The following AIMP1 variants were observed in gnomAD, a reference collection of about 807,000 sequenced individuals.
AIMP1 encodes aminoacyl tRNA synthase complex-interacting multifunctional protein 1.
In AIMP1, 24 loss-of-function variants were observed where a neutral mutation model predicts 33.1. That is an observed-to-expected ratio of 0.73 (90% confidence interval 0.53 to 1.02). The LOEUF is 1.02. Ranked by LOEUF, AIMP1 falls within the 50% of genes least tolerant of loss-of-function variation. The pLI is 0.00. For synonymous variants in AIMP1, 120 were observed against 121.5 expected, an observed-to-expected ratio of 0.99 and a Z score of 0.08; for missense variants, 367 against 364.8, an observed-to-expected ratio of 1.01 and a Z score of -0.05.
chr4:106,345,822 TA>T (rs1218529350), intron 6 of AIMP1, among the ~76,000 whole-genome samples: 3 of 149,446 alleles, frequency 2.0e-5, no homozygotes, highest in Admixed American at 6.7e-5. Context: ...CTATTTTATA[TA>T]ATAAGATGTC....
upstream of AIMP1, chr4:106,316,238 C>T (rs6814166): frequency 0.16 from 44,636 of 282,224 alleles, 3,920 homozygotes; most frequent in South Asian, 0.23. Flanking sequence ...CCTTTTCTTC[C>T]GCCCTCACAG....
chr4:106,325,736 C>A (rs990352793), intron 2 of AIMP1, among the ~76,000 whole-genome samples: 5 of 151,972 alleles, frequency 3.3e-5, no homozygotes, highest in Non-Finnish European at 7.4e-5. Context: ...AGTTTTTAGT[C>A]ATATTGCTCC....
At chr4:106,316,485 T>C (rs1277716165), upstream of AIMP1, 1 of 1,507,836 alleles carries the variant, frequency 6.6e-7, no homozygotes, top group African/African-American at 1.4e-5. Context: ...CACTCAGGCT[T>C]TCAGCAAGGA....
intron 4 of AIMP1, among the ~76,000 whole-genome samples, chr4:106,330,664 A>G (rs746703075): frequency 1.3e-5 from 2 of 152,196 alleles, no homozygotes; most frequent in Non-Finnish European, 2.9e-5. Flanking sequence ...CTTCTTTAAA[A>G]GAGATTTTGA....
intron 5 of AIMP1, 66 bp downstream of exon 5, chr4:106,331,949 CT>C: frequency 7.0e-7 from 1 of 1,429,586 alleles, no homozygotes; most frequent in Middle Eastern, 2.1e-4. Context: ...TTCTTGGTAT[CT>C]TTCCATTATA....
At chr4:106,333,146 T>A (rs1295973817) in intron 5 of AIMP1, among the ~76,000 whole-genome samples, 3 of 152,148 alleles carry the variant, frequency 2.0e-5, no homozygotes, top group Non-Finnish European at 4.4e-5. Context: ...GGAAGGTCAC[T>A]TGTGATTATT....
chr4:106,324,453 A>G (rs1229753636), intron 1 of AIMP1, among the ~76,000 whole-genome samples: 4 of 152,060 alleles, frequency 2.6e-5, no homozygotes. Flanking sequence ...ACAACGGTAT[A>G]TACTGACATT....
intron 4 of AIMP1, among the ~76,000 whole-genome samples, chr4:106,330,009 C>T (rs1177218780): frequency 6.6e-6 from 1 of 152,018 alleles, no homozygotes; most frequent in Non-Finnish European, 1.5e-5. Context: ...TCTCGAACTC[C>T]TGATCTCAGG....
chr4:106,324,590 G>A (rs1769391976), intron 1 of AIMP1, among the ~76,000 whole-genome samples: 1 of 151,914 alleles, frequency 6.6e-6, no homozygotes, highest in Non-Finnish European at 1.5e-5. Context: ...GAAGGATCCA[G>A]TATACAGAAA....
At chr4:106,327,255 CCT>C (rs3831463) in intron 2 of AIMP1, among the ~76,000 whole-genome samples, 194 bp from the exon 3 acceptor site, 22,709 of 149,692 alleles carry the variant, frequency 0.15, 1,791 homozygotes, top group South Asian at 0.25. Flanking sequence ...ATATTTTCTC[CCT>C]CTCTCTCTCT....
rs552082761 is a variant in AIMP1 at position 106,316,711 on chromosome 4, T to C, written c.-26+117T>C. On this transcript the variant is annotated intron_variant, in intron 1 of 6. Coordinates refer to ENST00000672341, the MANE Select transcript of AIMP1 (RefSeq NM_001142416.2). The stretch of plus-strand genomic sequence containing the variant: ...CCTGGCCTGCGCTGCTAATGGGTAG[T>C]CCGTTCGCAGCAGGACCAGCCCTGG... The C allele has an allele frequency of 1.0e-5, 10 of 984,290 alleles. No individual in the cohort carries two copies. In the African/African-American group the frequency reaches 1.1e-4, roughly 11 times the overall value. The allele number at this position is 984,290 out of a possible 1,614,324, so 61.0% of individuals were successfully genotyped here. A position where few individuals can be genotyped will look rare whatever the true frequency, so the allele number is the denominator to read the frequency against.
chr4:106,316,499 C>T (rs80024327), upstream of AIMP1: 1,475 of 1,532,452 alleles, frequency 9.6e-4, 14 homozygotes, highest in African/African-American at 0.018. Flanking sequence ...GCAAGGACAC[C>T]TCATTGGGTC....
chr4:106,345,376 A>G (rs1770256340), intron 6 of AIMP1, among the ~76,000 whole-genome samples: 1 of 152,194 alleles, frequency 6.6e-6, no homozygotes, highest in Non-Finnish European at 1.5e-5. Flanking sequence ...CTAGCCTTCC[A>G]GAATCCTGGA....
chr4:106,333,386 C>T (rs988691303), intron 5 of AIMP1, among the ~76,000 whole-genome samples: 6 of 152,240 alleles, frequency 3.9e-5, no homozygotes, highest in African/African-American at 1.4e-4. Flanking sequence ...CTAATTTCAG[C>T]GTTGCTGGAA....
At chr4:106,332,918 A>G (rs1769737049) in intron 5 of AIMP1, among the ~76,000 whole-genome samples, 1 of 152,152 alleles carries the variant, frequency 6.6e-6, no homozygotes, top group South Asian at 2.1e-4. Context: ...GTTTCAGTTT[A>G]TCTTTCATAG....
At position 106,319,381 on chromosome 4, in the gene AIMP1, G is replaced by A. The variant is rs1769108332; in HGVS notation, c.-26+2787G>A. ...TCATCTTTTGTGTGTGTATTTTAAT[G>A]ATTAAGATGTACTATAAATTCATGT... On this transcript the variant is annotated intron_variant, in intron 1 of 6. Coordinates refer to ENST00000672341, the MANE Select transcript of AIMP1 (RefSeq NM_001142416.2). Among the ~76,000 whole-genome samples the A allele has an allele frequency of 3.9e-5, 6 of 152,120 alleles. 1 individual carries two copies. In the South Asian group the frequency reaches 1.2e-3, roughly 32 times the overall value.
intron 5 of AIMP1, among the ~76,000 whole-genome samples, chr4:106,333,697 A>G (rs1769764591): frequency 6.6e-6 from 1 of 152,156 alleles, no homozygotes; most frequent in African/African-American, 2.4e-5. Context: ...TTCTTTCTAT[A>G]GTGAAATTAG....
chr4:106,328,747 C>T lies in AIMP1; in HGVS notation c.391+504C>T, dbSNP rs1033727253. On this transcript the variant is annotated intron_variant, in intron 4 of 6. Coordinates refer to ENST00000672341, the MANE Select transcript of AIMP1 (RefSeq NM_001142416.2). ...ATTTAGTCATCAACCTTAACCTGTC[C>T]CTATTCCCTGTTCTTCATATCTAAT... Among the ~76,000 whole-genome samples, 71 of 152,152 alleles carry T rather than the reference C, an allele frequency of 4.7e-4. 1 individual carries two copies. The highest frequency in any genetic ancestry group is 4.5e-3 in the Admixed American group (69 of 15,274).
chr4:106,347,002 G>A (rs1770328760), intron 6 of AIMP1, among the ~76,000 whole-genome samples: 2 of 152,114 alleles, frequency 1.3e-5, no homozygotes, highest in South Asian at 4.1e-4. Context: ...GCAAGAGCGA[G>A]CATCTTACGT....
Sources: allele counts gnomAD v4.1 joint callset (sites outside exome capture counted in the v4.1 genomes callset), GRCh38; gene constraint gnomAD v4.1.1; transcripts MANE v1.5; gene names NCBI Gene and HGNC (gene_info 2026-07-23, HGNC 2026-07-21).